The following MCM9 variants were observed in gnomAD, a reference collection of about 807,000 sequenced individuals.
MCM9 encodes minichromosome maintenance 9 homologous recombination repair factor.
In MCM9, 55 loss-of-function variants were observed where a neutral mutation model predicts 72.8. The ratio of observed to expected loss-of-function variants is 0.76; its 90% CI spans 0.61 to 0.95. The LOEUF is 0.95. MCM9 is among the 40% of genes least tolerant of loss of function. MCM9 has a pLI of 0.00. For missense variants in MCM9, 1,279 were observed against 1,377.0 expected, an observed-to-expected ratio of 0.93 and a Z score of 1.13; for synonymous variants, 480 against 503.4, an observed-to-expected ratio of 0.95 and a Z score of 0.62.
At position 118,907,763 on chromosome 6, in the gene MCM9, A is replaced by G. The variant is rs771966125; in HGVS notation, c.1150+3887T>C. The G allele has an allele frequency of 3.2e-4, 193 of 607,136 alleles. 1 individual carries two copies. Among genetic ancestry groups the G allele is most frequent in the Middle Eastern group, 2.1e-3 (5 of 2,386 alleles). 37.6% of individuals were successfully genotyped at this position (607,136 alleles called of 1,614,324 possible). ...AGTTTATAAGAAAACCAGTATTTGA[A>G]CAAATTGTGGAATATAAATACAACT... On this transcript the variant is annotated intron_variant, in intron 8 of 13. Transcript: ENST00000619706.
intron 8 of MCM9, among the ~76,000 whole-genome samples, chr6:118,904,247 G>A (rs1416880150): frequency 6.6e-6 from 1 of 152,224 alleles, no homozygotes; most frequent in Admixed American, 6.5e-5. Context: ...CTGACTAGAT[G>A]TAGGAGATAA....
intron 9 of MCM9, among the ~76,000 whole-genome samples, chr6:118,837,940 G>T (rs1303607860): frequency 6.6e-6 from 1 of 152,158 alleles, no homozygotes; most frequent in Non-Finnish European, 1.5e-5. Flanking sequence ...AGTTGATGCA[G>T]TTTCTTCATA....
chr6:118,833,753 T>C (rs1199438967), intron 9 of MCM9, among the ~76,000 whole-genome samples: 1 of 152,004 alleles, frequency 6.6e-6, no homozygotes, highest in Non-Finnish European at 1.5e-5. Context: ...AAACGGAAAG[T>C]AGAATGGTGG....
At chr6:118,840,589 A>G (rs1775288492) in intron 9 of MCM9, among the ~76,000 whole-genome samples, 1 of 152,164 alleles carries the variant, frequency 6.6e-6, no homozygotes, top group African/African-American at 2.4e-5. Flanking sequence ...TTCTATATTG[A>G]CAGGCCTTGA....
intron 9 of MCM9, among the ~76,000 whole-genome samples, chr6:118,844,737 G>A (rs1771750): frequency 0.042 from 6,397 of 151,744 alleles, 269 homozygotes; most frequent in East Asian, 0.19. Flanking sequence ...TTTGAAACCC[G>A]CTGAACTCAA....
intron 9 of MCM9, among the ~76,000 whole-genome samples, chr6:118,843,730 A>ATGTGTG (rs1376899992): frequency 2.2e-5 from 3 of 135,510 alleles, no homozygotes; most frequent in East Asian, 4.7e-4. Flanking sequence ...GTATATATAT[A>ATGTGTG]TATATATATA....
chr6:118,915,273 CACCT>C (rs1411538640), intron 6 of MCM9, among the ~76,000 whole-genome samples: 1 of 152,214 alleles, frequency 6.6e-6, no homozygotes, highest in African/African-American at 2.4e-5. Context: ...CCCCCATCCT[CACCT>C]CCCTCCCAAA....
intron 8 of MCM9, among the ~76,000 whole-genome samples, chr6:118,897,096 C>T (rs1197780377): frequency 1.3e-5 from 2 of 152,150 alleles, no homozygotes; most frequent in Non-Finnish European, 2.9e-5. Context: ...ACCCCTGCCT[C>T]CCATAGTGTT....
At chr6:118,851,494 T>C (rs1289578984) in intron 9 of MCM9, among the ~76,000 whole-genome samples, 2 of 151,832 alleles carry the variant, frequency 1.3e-5, no homozygotes, top group Non-Finnish European at 2.9e-5. Flanking sequence ...ATTGTACAAA[T>C]GTCTTTATGA....
intron 13 of MCM9, among the ~76,000 whole-genome samples, chr6:118,820,830 G>A (rs1347020204): frequency 3.3e-5 from 5 of 152,098 alleles, no homozygotes; most frequent in African/African-American, 1.2e-4. Context: ...TATATATTTA[G>A]GATAGTTAGC....
At chr6:118,904,100 A>G (rs1421474140) in intron 8 of MCM9, among the ~76,000 whole-genome samples, 1 of 152,034 alleles carries the variant, frequency 6.6e-6, no homozygotes, top group East Asian at 1.9e-4. Flanking sequence ...CCAAAGAGAA[A>G]GAACATATCT....
intron 8 of MCM9, among the ~76,000 whole-genome samples, chr6:118,873,599 G>A (rs894578535): frequency 3.3e-5 from 5 of 152,110 alleles, no homozygotes; most frequent in African/African-American, 9.7e-5. Context: ...AATCTGAATA[G>A]GCTTATATCT....
chr6:118,902,345 A>G (rs762107143), intron 8 of MCM9, among the ~76,000 whole-genome samples: 1 of 152,156 alleles, frequency 6.6e-6, no homozygotes, highest in Non-Finnish European at 1.5e-5. Flanking sequence ...AAACAGTATA[A>G]TCAGTCACTC....
At chr6:118,907,254 T>C (rs1780245142) in intron 8 of MCM9, 3 of 607,954 alleles carry the variant, frequency 4.9e-6, no homozygotes, top group Non-Finnish European at 8.8e-6. Context: ...ATTAGTTATA[T>C]TTAAGGTACT....
intron 8 of MCM9, chr6:118,911,446 A>C: frequency 7.7e-7 from 1 of 1,298,566 alleles, no homozygotes; most frequent in South Asian, 2.5e-5. Context: ...GATTGTTCAA[A>C]ACTAAGATGC....
intron 8 of MCM9, chr6:118,907,372 T>C: frequency 1.4e-6 from 2 of 1,481,342 alleles, no homozygotes; most frequent in Non-Finnish European, 1.9e-6. Flanking sequence ...TCTTAGTGTT[T>C]ACCATTTGTA....
At chr6:118,924,992 C>G (rs1781769661) in intron 3 of MCM9, among the ~76,000 whole-genome samples, 1 of 151,604 alleles carries the variant, frequency 6.6e-6, no homozygotes, top group South Asian at 2.1e-4. Context: ...CTACAGTAAC[C>G]ATGGTCACTC....
chr6:118,814,567 A>C lies in MCM9; in HGVS notation c.*257T>G. ...AAACAGCTTCAGGAACAGGAATACA[A>C]GTACTCCATTTGTAAAATTAAGCAC... On this transcript the variant is annotated 3_prime_UTR_variant, in exon 14 of 14. Coordinates refer to ENST00000619706, the MANE Select transcript of MCM9 (RefSeq NM_017696.3). The C allele has an allele frequency of 3.1e-6, 1 of 326,018 alleles. No homozygotes were observed. Among genetic ancestry groups the C allele is most frequent in the East Asian group, 4.8e-5 (1 of 20,712 alleles). The allele number at this position is 326,018 out of a possible 1,614,324, so 20.2% of individuals were successfully genotyped here.
intron 3 of MCM9, among the ~76,000 whole-genome samples, chr6:118,925,385 T>G (rs945180466): frequency 3.9e-5 from 6 of 152,214 alleles, no homozygotes; most frequent in Non-Finnish European, 1.5e-5. Context: ...CTTAAGTTTC[T>G]ATGGTCAGCA....
Sources: allele counts gnomAD v4.1 joint callset (sites outside exome capture counted in the v4.1 genomes callset), GRCh38; gene constraint gnomAD v4.1.1; transcripts MANE v1.5; gene names NCBI Gene and HGNC (gene_info 2026-07-23, HGNC 2026-07-21).